KLHL8: variants seen among roughly 807,000 people sequenced by gnomAD.
The protein encoded by KLHL8 is kelch-like protein 8.
KLHL8 carries 38 observed loss-of-function variants against 63.5 expected under a neutral mutation model. The ratio of observed to expected loss-of-function variants is 0.60; its 90% CI spans 0.46 to 0.78. KLHL8 has a LOEUF of 0.78. Among genes scored for constraint, KLHL8 ranks in the 30% least tolerant of loss-of-function variants. The probability of loss-of-function intolerance (pLI) is 0.00; values close to 1 mark genes in which losing one functional copy is unlikely to be tolerated. For synonymous variants in KLHL8, 224 were observed against 254.3 expected, an observed-to-expected ratio of 0.88 and a Z score of 1.13; for missense variants, 566 against 752.4, an observed-to-expected ratio of 0.75 and a Z score of 2.90.
intron 1 of KLHL8, among the ~76,000 whole-genome samples, chr4:87,236,477 G>T (rs968397385): frequency 1.3e-5 from 2 of 151,998 alleles, no homozygotes; most frequent in African/African-American, 4.8e-5. Flanking sequence ...AAAGTGCTGA[G>T]ATTGCAGGCG....
At chr4:87,168,733 TGTGTATATATAC>T (rs1730509787) in intron 8 of KLHL8, among the ~76,000 whole-genome samples, 1 of 148,634 alleles carries the variant, frequency 6.7e-6, no homozygotes, top group African/African-American at 2.5e-5. Flanking sequence ...TATATATATG[TGTGTATATATAC>T]GTGTATATAT....
At position 87,185,593 on chromosome 4, in the gene KLHL8, T is replaced by C; in HGVS notation, c.423A>G (p.Leu141=). The C allele has an allele frequency of 1.9e-6, 3 of 1,614,194 alleles. No individual in the cohort carries two copies. The highest frequency in any genetic ancestry group is 2.5e-6 in the Non-Finnish European group (3 of 1,180,026). Residue 141 remains leucine (L), a synonymous_variant, in exon 3 of 10, where the codon TTA becomes TTG. Transcript: ENST00000273963. ...TLTVDNVQPL[L]YAACILQVEL... ...CAACCTGCAGAATACAGGCTGCATA[T>C]AAGAGAGGCTGGACATTGTCAACAG...
intron 1 of KLHL8, among the ~76,000 whole-genome samples, chr4:87,204,589 A>C (rs1732043628): frequency 6.6e-6 from 1 of 152,256 alleles, no homozygotes; most frequent in Non-Finnish European, 1.5e-5. Context: ...TCAATGGATA[A>C]ACAAACTGTG....
At chr4:87,194,585 G>T (rs1159263908) in intron 2 of KLHL8, among the ~76,000 whole-genome samples, 1 of 152,202 alleles carries the variant, frequency 6.6e-6, no homozygotes, top group Admixed American at 6.5e-5. Flanking sequence ...GTGGCAGGAG[G>T]ACTGCTTAAG....
chr4:87,207,824 G>A (rs759715590), intron 1 of KLHL8: 83 of 1,209,782 alleles, frequency 6.9e-5, no homozygotes, highest in Non-Finnish European at 1.0e-4. Context: ...AACCTGACCT[G>A]CCATCTGGAA....
At chr4:87,235,647 AC>A (rs1410021102) in intron 1 of KLHL8, among the ~76,000 whole-genome samples, 17 of 152,308 alleles carry the variant, frequency 1.1e-4, no homozygotes, top group Non-Finnish European at 1.6e-4. Context: ...TTTAATCGTC[AC>A]CTAGCATGAT....
chr4:87,211,875 G>A (rs1341026054), intron 1 of KLHL8, among the ~76,000 whole-genome samples: 7 of 152,188 alleles, frequency 4.6e-5, no homozygotes, highest in Admixed American at 3.9e-4. Flanking sequence ...AAACTTAAGT[G>A]TGAATTAGAT....
intron 6 of KLHL8, among the ~76,000 whole-genome samples, chr4:87,174,925 A>G (rs1730767196): frequency 6.6e-6 from 1 of 152,160 alleles, no homozygotes. Context: ...CTAAATCAAC[A>G]TACACTCTTA....
At chr4:87,222,662 C>T (rs868151476), upstream of KLHL8, among the ~76,000 whole-genome samples, 14 of 152,212 alleles carry the variant, frequency 9.2e-5, no homozygotes, top group Non-Finnish European at 7.4e-5. Flanking sequence ...CAGCTCACTG[C>T]AACCTCCACC....
At chr4:87,167,536 C>A in intron 8 of KLHL8, 1 of 541,864 alleles carries the variant, frequency 1.8e-6, no homozygotes, top group East Asian at 5.0e-5. Flanking sequence ...AATCAGAACT[C>A]GAATGGCCTT....
intron 2 of KLHL8, among the ~76,000 whole-genome samples, chr4:87,190,272 A>G (rs995975990): frequency 6.6e-6 from 1 of 152,084 alleles, no homozygotes; most frequent in African/African-American, 2.4e-5. Flanking sequence ...TGACTTTTTG[A>G]TTACTGTAAA....
intron 4 of KLHL8, 35 bp from the exon 5 acceptor site, chr4:87,178,655 A>G: frequency 1.3e-6 from 2 of 1,483,654 alleles, no homozygotes; most frequent in Admixed American, 2.7e-5. Flanking sequence ...GATAAATCAT[A>G]GCTGCCAAGT....
chr4:87,193,529 C>T lies in KLHL8; in HGVS notation c.216+1795G>A, dbSNP rs546001100. 4.6e-3 allele frequency among the ~76,000 whole-genome samples: 694 copies of T among 151,940 alleles called. 9 individuals are homozygous for T. The highest frequency in any genetic ancestry group is 0.015 in the African/African-American group (632 of 41,432). ...AGAATCAACTTTCTGCAATTTTTTT[C>T]TTTTTTTATGTAATGTTTCTTCTTT... On this transcript the variant is annotated intron_variant, in intron 2 of 9. Transcript: ENST00000273963.
At chr4:87,214,985 G>A (rs1201338768) in intron 1 of KLHL8, among the ~76,000 whole-genome samples, 1 of 152,086 alleles carries the variant, frequency 6.6e-6, no homozygotes, top group Admixed American at 6.6e-5. Context: ...TTTTAGTAGA[G>A]AGAGGGTTTC....
chr4:87,235,468 G>A (rs573821850), intron 1 of KLHL8, among the ~76,000 whole-genome samples: 1 of 152,224 alleles, frequency 6.6e-6, no homozygotes, highest in South Asian at 2.1e-4. Flanking sequence ...ATTCCCTGAT[G>A]TTCACAAGAC....
intron 3 of KLHL8, among the ~76,000 whole-genome samples, chr4:87,183,871 T>C (rs879692025): frequency 2.6e-5 from 4 of 152,182 alleles, no homozygotes; most frequent in Non-Finnish European, 4.4e-5. Flanking sequence ...CTGAAACAAG[T>C]GTTGTTTTCT....
chr4:87,193,636 T>A (rs1425427973), intron 2 of KLHL8, among the ~76,000 whole-genome samples: 1 of 152,214 alleles, frequency 6.6e-6, no homozygotes, highest in Non-Finnish European at 1.5e-5. Flanking sequence ...TTTATTAGCA[T>A]GAATAGGTAT....
intron 2 of KLHL8, among the ~76,000 whole-genome samples, chr4:87,188,050 C>G (rs1440119266): frequency 6.6e-6 from 1 of 152,132 alleles, no homozygotes; most frequent in African/African-American, 2.4e-5. Flanking sequence ...AAGTACAAGA[C>G]AATCATTTCT....
At chr4:87,227,508 G>C (rs906033078) in intron 1 of KLHL8, among the ~76,000 whole-genome samples, 1 of 152,172 alleles carries the variant, frequency 6.6e-6, no homozygotes, top group Non-Finnish European at 1.5e-5. Flanking sequence ...AAATTAGCCA[G>C]TGGTGTTGGT....
Sources: gnomAD v4.1 joint callset for allele counts (sites outside exome capture counted in the v4.1 genomes callset) on GRCh38, gnomAD v4.1.1 for gene constraint, MANE v1.5 for transcripts, NCBI Gene and HGNC (gene_info 2026-07-23, HGNC 2026-07-21) for gene names.